Variants in LAMA2 observed in about 807,000 individuals in gnomAD.
LAMA2 encodes laminin subunit alpha-2.
LAMA2 carries 269 observed loss-of-function variants against 364.8 expected under a neutral mutation model. That is an observed-to-expected ratio of 0.74 (90% CI 0.67 to 0.82). The LOEUF (loss-of-function observed/expected upper bound fraction) is 0.82. Among genes scored for constraint, LAMA2 ranks in the 40% least tolerant of loss-of-function variants. The probability of loss-of-function intolerance (pLI) is 0.00; values close to 1 mark genes in which losing one functional copy is unlikely to be tolerated. For synonymous variants in LAMA2, 1,379 were observed against 1,370.6 expected (o/e 1.01, Z -0.14); for missense variants, 3,807 against 3,873.2 (o/e 0.98, Z 0.45).
At chr6:129,349,808 A>G (rs1302552272) in intron 31 of LAMA2, among the ~76,000 whole-genome samples, 1 of 152,148 alleles carries the variant, frequency 6.6e-6, no homozygotes, top group Non-Finnish European at 1.5e-5. Context: ...TCTGAACACT[A>G]TGACTACACC....
chr6:128,885,665 G>T (rs973285796), intron 1 of LAMA2, among the ~76,000 whole-genome samples: 14 of 152,164 alleles, frequency 9.2e-5, no homozygotes, highest in African/African-American at 2.9e-4. Context: ...TAATTGTGTA[G>T]AAGTTCTATT....
chr6:129,121,539 CA>C (rs1373778590), intron 4 of LAMA2, among the ~76,000 whole-genome samples: 2 of 152,082 alleles, frequency 1.3e-5, no homozygotes, highest in South Asian at 4.1e-4. Context: ...CTGAATTTTA[CA>C]TATTAGAAGT....
intron 4 of LAMA2, among the ~76,000 whole-genome samples, chr6:129,100,594 A>C (rs1775465734): frequency 6.6e-6 from 1 of 152,210 alleles, no homozygotes; most frequent in African/African-American, 2.4e-5. Flanking sequence ...TCTGATTCTC[A>C]GGTAAATATT....
At chr6:129,117,825 G>A (rs1177996867) in intron 4 of LAMA2, among the ~76,000 whole-genome samples, 1 of 152,140 alleles carries the variant, frequency 6.6e-6, no homozygotes, top group East Asian at 1.9e-4. Flanking sequence ...AAACTGATGG[G>A]CAATATTACC....
chr6:129,402,158 G>T (rs1056706936), intron 38 of LAMA2, among the ~76,000 whole-genome samples, 166 bp from the exon 39 acceptor site: 1 of 147,192 alleles, frequency 6.8e-6, no homozygotes, highest in African/African-American at 2.5e-5. Context: ...GCAGTGAGCT[G>T]AGATCGCACC....
intron 1 of LAMA2, among the ~76,000 whole-genome samples, chr6:128,920,451 G>C (rs991844757): frequency 6.6e-6 from 1 of 151,640 alleles, no homozygotes; most frequent in Non-Finnish European, 1.5e-5. Flanking sequence ...CCACCGTGCC[G>C]GTCCCTCATG....
chr6:129,460,440 T>C lies in LAMA2; in HGVS notation c.6992+116T>C, dbSNP rs1036787733. On this transcript the variant is annotated intron_variant, in intron 49 of 64. Transcript: ENST00000421865. ...ATGTGGAGCAGGTTTGAAAGGATTA[T>C]ACTCAGAGGTGGAATTACCACAAAA... The C allele has an allele frequency of 1.0e-5, 11 of 1,074,500 alleles. No individual in the cohort carries two copies. The African/African-American group carries it at 1.3e-4, about 12-fold the overall frequency. 66.6% of individuals were successfully genotyped at this position (1,074,500 alleles called of 1,614,324 possible). A position where few individuals can be genotyped will look rare whatever the true frequency, so the allele number is the denominator to read the frequency against.
intron 10 of LAMA2, among the ~76,000 whole-genome samples, chr6:129,188,071 G>T (rs1781330500): frequency 6.6e-6 from 1 of 151,726 alleles, no homozygotes; most frequent in Non-Finnish European, 1.5e-5. Context: ...AAAAATTAGT[G>T]CTTCCTCTAT....
chr6:128,962,838 T>C (rs1053472163), intron 1 of LAMA2, among the ~76,000 whole-genome samples: 2 of 152,226 alleles, frequency 1.3e-5, no homozygotes, highest in African/African-American at 4.8e-5. Flanking sequence ...CCAAGTTTAC[T>C]GGCTCTATTT....
chr6:129,020,897 GC>G (rs1258295252), intron 1 of LAMA2, among the ~76,000 whole-genome samples: 1 of 152,132 alleles, frequency 6.6e-6, no homozygotes, highest in East Asian at 1.9e-4. Flanking sequence ...TCCTCAAAGC[GC>G]CATACTTTGG....
At chr6:128,968,726 G>A (rs1373954219) in intron 1 of LAMA2, among the ~76,000 whole-genome samples, 1 of 152,096 alleles carries the variant, frequency 6.6e-6, no homozygotes, top group Non-Finnish European at 1.5e-5. Flanking sequence ...CTCTAATATT[G>A]TGAGCCAGGA....
intron 1 of LAMA2, among the ~76,000 whole-genome samples, chr6:128,907,111 C>T (rs1284819756): frequency 2.2e-4 from 29 of 133,044 alleles, no homozygotes; most frequent in African/African-American, 3.4e-4. Flanking sequence ...ATTGACTTGG[C>T]GATGCGGGCT....
chr6:129,428,517 C>T (rs945506970), intron 41 of LAMA2, among the ~76,000 whole-genome samples: 7 of 152,136 alleles, frequency 4.6e-5, no homozygotes, highest in Non-Finnish European at 7.4e-5. Flanking sequence ...TGCAGTGGTG[C>T]GATCTTGGCT....
At chr6:129,091,363 G>T (rs934446494) in intron 3 of LAMA2, among the ~76,000 whole-genome samples, 2 of 152,076 alleles carry the variant, frequency 1.3e-5, no homozygotes, top group African/African-American at 4.8e-5. Flanking sequence ...ATTCTGAGGT[G>T]GTGGAATAAT....
intron 1 of LAMA2, among the ~76,000 whole-genome samples, chr6:129,037,826 C>A (rs546611684): frequency 3.0e-4 from 45 of 152,194 alleles, no homozygotes; most frequent in Admixed American, 1.0e-3. Context: ...CTTGCCACCA[C>A]ACCTGGCTAA....
chr6:129,349,498 G>A, intron 31 of LAMA2, 114 bp downstream of exon 31: 2 of 893,702 alleles, frequency 2.2e-6, no homozygotes, highest in South Asian at 1.4e-5. Context: ...ATATCCTTTA[G>A]AAGTTTAAAT....
chr6:129,172,852 A>G (rs991644891), intron 9 of LAMA2, among the ~76,000 whole-genome samples: 1 of 152,254 alleles, frequency 6.6e-6, no homozygotes, highest in Non-Finnish European at 1.5e-5. Flanking sequence ...CCTCCAAGCC[A>G]GGTGCAGGAT....
chr6:129,200,629 A>G (rs1291115645), intron 12 of LAMA2, among the ~76,000 whole-genome samples: 1 of 151,980 alleles, frequency 6.6e-6, no homozygotes, highest in Admixed American at 6.6e-5. Context: ...AATCTCCATG[A>G]ATGGAATTAA....
At chr6:129,395,215 A>G (rs1032873625) in intron 37 of LAMA2, among the ~76,000 whole-genome samples, 5 of 152,194 alleles carry the variant, frequency 3.3e-5, no homozygotes, top group Non-Finnish European at 7.3e-5. Context: ...GACACATTGC[A>G]TCTATTTGAT....
Sources: gnomAD v4.1 joint callset for allele counts (sites outside exome capture counted in the v4.1 genomes callset) on GRCh38, gnomAD v4.1.1 for gene constraint, MANE v1.5 for transcripts, NCBI Gene and HGNC (gene_info 2026-07-23, HGNC 2026-07-21) for gene names.